The following TMEM132D variants were observed in gnomAD, a reference collection of about 807,000 sequenced individuals.
TMEM132D encodes the protein transmembrane protein 132D.
A neutral mutation model predicts 62.3 loss-of-function variants in TMEM132D; 21 were observed. The observed-to-expected ratio is 0.34, with a 90% CI of 0.24 to 0.49. The LOEUF (loss-of-function observed/expected upper bound fraction) is 0.49. Among genes scored for constraint, TMEM132D ranks in the 20% least tolerant of loss-of-function variants. The pLI, the probability that TMEM132D is intolerant of heterozygous loss-of-function variation, is 0.99. For synonymous variants in TMEM132D, 621 were observed against 575.6 expected, an observed-to-expected ratio of 1.08 and a Z score of -1.13; for missense variants, 1,346 against 1,402.8, an observed-to-expected ratio of 0.96 and a Z score of 0.65.
intron 1 of TMEM132D, among the ~76,000 whole-genome samples, chr12:129,785,954 T>C (rs923398798): frequency 4.6e-5 from 7 of 152,358 alleles, no homozygotes; most frequent in African/African-American, 1.4e-4. Context: ...TTTTGTTTTC[T>C]AAATTTTAAC....
At chr12:129,197,400 T>C (rs2135559346) in intron 5 of TMEM132D, among the ~76,000 whole-genome samples, 1 of 152,238 alleles carries the variant, frequency 6.6e-6, no homozygotes, top group Non-Finnish European at 1.5e-5. Context: ...GCATCAGAAC[T>C]CTCTGTGTCT....
At chr12:129,817,023 C>T (rs139637415) in intron 1 of TMEM132D, among the ~76,000 whole-genome samples, 217 of 152,286 alleles carry the variant, frequency 1.4e-3, no homozygotes, top group African/African-American at 5.0e-3. Context: ...AGTTTAATAA[C>T]TAGCTGGCAT....
Position 129,577,082 on chromosome 12 carries a change from T to C in TMEM132D, c.969-45877A>G, listed in dbSNP as rs1048724706. On this transcript the variant is annotated intron_variant, in intron 2 of 8. Coordinates refer to ENST00000422113, the MANE Select transcript of TMEM132D (RefSeq NM_133448.3). ...CCAGCATCACTAGTGGCACTCTGTA[T>C]GGGCCCCATGGTGTCACCGAAGGTT... Among the ~76,000 whole-genome samples the C allele has an allele frequency of 5.2e-4, 79 of 151,988 alleles. 2 individuals are homozygous for C. The highest frequency in any genetic ancestry group is 1.9e-3 in the African/African-American group (78 of 41,260).
In TMEM132D at chr12:129,074,675, A is replaced by C. The variant is rs1483367898; in HGVS notation, c.2500T>G (p.Trp834Gly). The C allele has an allele frequency of 6.2e-7, 1 of 1,613,868 alleles. No individual in the cohort carries two copies. Among genetic ancestry groups the C allele is most frequent in the African/African-American group, 1.3e-5 (1 of 74,916 alleles). The part of the protein sequence containing the change: ...DRRPKKPSQE[W>G]GSQEGQYYGS... ...TAGTACTGTCCTTCCTGACTCCCCC[A>C]TTCCTGCGAGGGTTTTTTGGGCCTT... The change falls in exon 9 of 9, where the codon TGG (tryptophan) becomes GGG (glycine). Residue 834 changes from tryptophan to glycine, a missense_variant. Coordinates refer to ENST00000422113, the MANE Select transcript of TMEM132D (RefSeq NM_133448.3).
At chr12:129,530,367 G>A (rs1276970946) in intron 3 of TMEM132D, among the ~76,000 whole-genome samples, 4 of 152,040 alleles carry the variant, frequency 2.6e-5, no homozygotes, top group African/African-American at 9.7e-5. Context: ...CAACATACAG[G>A]TGACAAAAAT....
chr12:129,606,205 C>G (rs1298282291), intron 2 of TMEM132D, among the ~76,000 whole-genome samples: 1 of 152,254 alleles, frequency 6.6e-6, no homozygotes, highest in East Asian at 1.9e-4. Context: ...CTGTGATAGT[C>G]TTCGGGAAAT....
At chr12:129,341,214 A>G (rs949102320) in intron 3 of TMEM132D, among the ~76,000 whole-genome samples, 1 of 152,360 alleles carries the variant, frequency 6.6e-6, no homozygotes, top group African/African-American at 2.4e-5. Flanking sequence ...CAGATGGTAC[A>G]TGTCCTGAAA....
At chr12:129,514,031 G>A (rs1226154434) in intron 3 of TMEM132D, among the ~76,000 whole-genome samples, 1 of 149,326 alleles carries the variant, frequency 6.7e-6, no homozygotes, top group African/African-American at 2.5e-5. Flanking sequence ...AGTGGAGACG[G>A]GGTTTCACTG....
rs138863326 is a variant in TMEM132D at position 129,466,023 on chromosome 12, A to T, written c.1115+65036T>A. On this transcript the variant is annotated intron_variant, in intron 3 of 8. Coordinates refer to ENST00000422113, the MANE Select transcript of TMEM132D (RefSeq NM_133448.3). ...TAAAGTGGAGACATTCATAATATCTACGGCACAGGATTAATGTAAAGGGTG... is the reference window on the plus strand; with the variant it reads ...TAAAGTGGAGACATTCATAATATCTTCGGCACAGGATTAATGTAAAGGGTG... Among the ~76,000 whole-genome samples, 602 of 152,296 alleles carry T rather than the reference A, an allele frequency of 4.0e-3. 3 individuals carry two copies. Among genetic ancestry groups the T allele is most frequent in the African/African-American group, 0.014 (563 of 41,570 alleles).
At chr12:129,684,957 T>G (rs1232521866) in intron 2 of TMEM132D, among the ~76,000 whole-genome samples, 1 of 152,194 alleles carries the variant, frequency 6.6e-6, no homozygotes, top group African/African-American at 2.4e-5. Context: ...AAGAAATTTC[T>G]AAGCAGCAAC....
At chr12:129,859,710 T>G (rs1001304310) in intron 1 of TMEM132D, among the ~76,000 whole-genome samples, 1 of 152,172 alleles carries the variant, frequency 6.6e-6, no homozygotes, top group African/African-American at 2.4e-5. Flanking sequence ...CTTTCTCCCA[T>G]GCTGGATGCT....
chr12:129,081,973 A>G lies in TMEM132D; in HGVS notation c.1709T>C (p.Leu570Pro), dbSNP rs2135616656. 6.2e-7 allele frequency: 1 copy of G among 1,613,964 alleles called. No homozygotes were observed. Among genetic ancestry groups the G allele is most frequent in the Non-Finnish European group, 8.5e-7 (1 of 1,179,996 alleles). Reference protein sequence around the residue: ...DDERRGRGCTLQYQHAMVRVL... With the variant: ...DDERRGRGCTPQYQHAMVRVL... ...CCGCACCATGGCGTGCTGGTACTGCAGGGTGCAGCCGCGGCCCCTCCGCTC... is the reference window on the plus strand; with the variant it reads ...CCGCACCATGGCGTGCTGGTACTGCGGGGTGCAGCCGCGGCCCCTCCGCTC... The change falls in exon 7 of 9, where the codon CTG (leucine) becomes CCG (proline). Residue 570 changes from leucine to proline, a missense_variant. Coordinates refer to ENST00000422113, the MANE Select transcript of TMEM132D (RefSeq NM_133448.3).
intron 4 of TMEM132D, among the ~76,000 whole-genome samples, chr12:129,226,024 A>G (rs1466316475): frequency 6.6e-6 from 1 of 152,158 alleles, no homozygotes; most frequent in African/African-American, 2.4e-5. Context: ...TGAAAGAAAG[A>G]CGGGAAGTTT....
At chr12:129,400,571 T>C (rs78422599) in intron 3 of TMEM132D, among the ~76,000 whole-genome samples, 1 of 152,138 alleles carries the variant, frequency 6.6e-6, no homozygotes, top group Non-Finnish European at 1.5e-5. Flanking sequence ...CGGTCCTCCA[T>C]CCTCTTCACA....
intron 5 of TMEM132D, among the ~76,000 whole-genome samples, chr12:129,166,612 T>C (rs868277080): frequency 2.6e-4 from 39 of 151,716 alleles, no homozygotes; most frequent in African/African-American, 5.3e-4. Flanking sequence ...AAGCAGACTA[T>C]GCAACCTCCA....
chr12:129,157,924 T>C (rs78027149), intron 5 of TMEM132D, among the ~76,000 whole-genome samples: 12,751 of 152,172 alleles, frequency 0.084, 1,246 homozygotes, highest in African/African-American at 0.23. Context: ...TAGCATGGCA[T>C]GCTGGTGGAG....
At chr12:129,861,535 T>A (rs1873896024) in intron 1 of TMEM132D, among the ~76,000 whole-genome samples, 1 of 151,992 alleles carries the variant, frequency 6.6e-6, no homozygotes, top group South Asian at 2.1e-4. Context: ...CCAAGGTGGG[T>A]GAATCACCTG....
chr12:129,526,146 A>C (rs1876029235), intron 3 of TMEM132D, among the ~76,000 whole-genome samples: 1 of 152,196 alleles, frequency 6.6e-6, no homozygotes, highest in Non-Finnish European at 1.5e-5. Context: ...CAAATTTCTA[A>C]GGGATCCTAA....
In TMEM132D at chr12:129,244,210, C is replaced by A. The variant is rs529256466; in HGVS notation, c.1300-34547G>T. On this transcript the variant is annotated intron_variant, in intron 4 of 8. Transcript: ENST00000422113. ...ACCATCCTGGCTAACGCGGTGAAAC[C>A]CCGTCTCTACTAAAAATACAAAAAA... is the stretch of plus-strand genomic sequence containing the variant. Among the ~76,000 whole-genome samples, 216 of 139,924 alleles carry A rather than the reference C, an allele frequency of 1.5e-3. 1 individual carries two copies. Among genetic ancestry groups the A allele is most frequent in the Middle Eastern group, 0.011 (3 of 280 alleles). 91.8% of individuals were successfully genotyped at this position (139,924 alleles called of 152,430 possible).
Sources: allele counts gnomAD v4.1 joint callset (sites outside exome capture counted in the v4.1 genomes callset), GRCh38; gene constraint gnomAD v4.1.1; transcripts MANE v1.5; gene names NCBI Gene and HGNC (gene_info 2026-07-23, HGNC 2026-07-21).